Variants in ZC3H8 observed in about 807,000 individuals in gnomAD.
ZC3H8 encodes the protein zinc finger CCCH domain-containing protein 8.
In ZC3H8, 27 loss-of-function variants were observed where a neutral mutation model predicts 42.5. That is an observed-to-expected ratio of 0.64 (90% CI 0.47 to 0.88). The LOEUF (loss-of-function observed/expected upper bound fraction) is 0.88. Among genes scored for constraint, ZC3H8 ranks in the 40% least tolerant of loss-of-function variants. The pLI is 0.00. For missense variants in ZC3H8, 277 were observed against 336.1 expected, an observed-to-expected ratio of 0.82 and a Z score of 1.37; for synonymous variants, 101 against 110.1, an observed-to-expected ratio of 0.92 and a Z score of 0.52.
intron 8 of ZC3H8, among the ~76,000 whole-genome samples, chr2:112,216,969 G>C (rs1241052588): frequency 6.6e-6 from 1 of 152,140 alleles, no homozygotes; most frequent in Admixed American, 6.5e-5. Flanking sequence ...AAATGTGAAT[G>C]GTCTTAATCC....
intron 2 of ZC3H8, among the ~76,000 whole-genome samples, chr2:112,239,709 C>T (rs981397089): frequency 1.3e-5 from 2 of 151,576 alleles, no homozygotes; most frequent in African/African-American, 4.8e-5. Flanking sequence ...CTCAGCCTCC[C>T]GAGTAGCTGG....
intron 1 of ZC3H8, among the ~76,000 whole-genome samples, chr2:112,251,023 A>G (rs76909525): frequency 6.6e-6 from 1 of 152,176 alleles, no homozygotes; most frequent in East Asian, 1.9e-4. Context: ...ATATAAGAAC[A>G]TGGTGAACAA....
At chr2:112,219,327 TGAAG>T (rs1684483606) in intron 8 of ZC3H8, among the ~76,000 whole-genome samples, 2 of 152,134 alleles carry the variant, frequency 1.3e-5, no homozygotes, top group Non-Finnish European at 1.5e-5. Context: ...GACCATTCAA[TGAAG>T]GAAGGACGGT....
rs1685349227 is a variant in ZC3H8, at chr2:112,236,675, T to C, written c.391A>G (p.Asn131Asp). ...TPQAAKQKNK[N>D]LKAGHKNGKQ... ...CCATTCTTGTGACCAGCTTTAAGAT[T>C]TTTATTTTTTTGTTTAGCAGCTAAA... The change falls in exon 4 of 9, where the codon AAT (asparagine) becomes GAT (aspartate). Residue 131 changes from asparagine (N) to aspartate (D), a missense_variant. Coordinates refer to ENST00000409573, the MANE Select transcript of ZC3H8 (RefSeq NM_032494.3). 6.2e-7 allele frequency: 1 copy of C among 1,611,218 alleles called. No individual in the cohort carries two copies. Among genetic ancestry groups the C allele is most frequent in the Non-Finnish European group, 8.5e-7 (1 of 1,178,976 alleles).
At chr2:112,254,883 A>C in intron 1 of ZC3H8, 25 bp downstream of exon 1, 1 of 1,611,768 alleles carries the variant, frequency 6.2e-7, no homozygotes, top group Non-Finnish European at 8.5e-7. Context: ...CCCTGCATTC[A>C]AAAGATGAAA....
In ZC3H8 at chr2:112,233,791, C is replaced by G. The variant is rs544627135; in HGVS notation, c.621+329G>C. Among the ~76,000 whole-genome samples, 149 of 152,162 alleles carry G rather than the reference C, an allele frequency of 9.8e-4. 1 individual carries two copies. The Middle Eastern group carries it at 0.034, about 35-fold the overall frequency. ...GGCTGAGGCAGGAGAATGGCATGAACCCAGGAGGCGGAGCTTGCAGTGAGC... is the reference window on the plus strand; with the variant it reads ...GGCTGAGGCAGGAGAATGGCATGAAGCCAGGAGGCGGAGCTTGCAGTGAGC... On this transcript the variant is annotated intron_variant, in intron 5 of 8. Coordinates refer to ENST00000409573, the MANE Select transcript of ZC3H8 (RefSeq NM_032494.3).
At chr2:112,246,627 G>A (rs1316026431) in intron 2 of ZC3H8, among the ~76,000 whole-genome samples, 1 of 152,198 alleles carries the variant, frequency 6.6e-6, no homozygotes, top group Non-Finnish European at 1.5e-5. Flanking sequence ...CTGAATTGCT[G>A]CAACTTCATG....
chr2:112,236,218 C>T (rs1013071675), intron 4 of ZC3H8, among the ~76,000 whole-genome samples: 4 of 152,138 alleles, frequency 2.6e-5, no homozygotes, highest in Non-Finnish European at 4.4e-5. Flanking sequence ...GAGCCGAGAT[C>T]GCACCAGCCT....
At chr2:112,220,036 G>C (rs1384549566) in intron 8 of ZC3H8, among the ~76,000 whole-genome samples, 1 of 152,184 alleles carries the variant, frequency 6.6e-6, no homozygotes, top group East Asian at 1.9e-4. Flanking sequence ...TTGAGCCTAA[G>C]GGCGTCATTG....
chr2:112,244,407 T>C (rs1685687723), intron 2 of ZC3H8, among the ~76,000 whole-genome samples: 1 of 152,104 alleles, frequency 6.6e-6, no homozygotes, highest in African/African-American at 2.4e-5. Context: ...AACCAACAGC[T>C]AGAAAATGAT....
At chr2:112,254,754 G>C (rs1468865414) in intron 1 of ZC3H8, 154 bp downstream of exon 1, 17 of 848,436 alleles carry the variant, frequency 2.0e-5, no homozygotes, top group Non-Finnish European at 2.9e-5. Context: ...ACCTCTATAG[G>C]TCAGACGGTG....
At chr2:112,230,291 T>C (rs890062272) in intron 8 of ZC3H8, among the ~76,000 whole-genome samples, 1 of 152,176 alleles carries the variant, frequency 6.6e-6, no homozygotes. Context: ...GTATAACTAC[T>C]TGAGAAAAAA....
At chr2:112,239,118 CAGAA>C (rs1027344963) in intron 2 of ZC3H8, among the ~76,000 whole-genome samples, 5 of 152,214 alleles carry the variant, frequency 3.3e-5, no homozygotes, top group Non-Finnish European at 7.3e-5. Context: ...ACTTTACTTG[CAGAA>C]AGAGTTTCCT....
intron 1 of ZC3H8, among the ~76,000 whole-genome samples, chr2:112,252,888 A>C (rs1036217466): frequency 5.3e-5 from 8 of 152,218 alleles, no homozygotes; most frequent in Admixed American, 1.3e-4. Context: ...TCACGCCTGT[A>C]ATCCCAGCAC....
At chr2:112,240,982 TGTGC>T (rs1399129914) in intron 2 of ZC3H8, among the ~76,000 whole-genome samples, 2,029 of 140,738 alleles carry the variant, frequency 0.014, 50 homozygotes, top group African/African-American at 0.05. Context: ...TGTGTGTGTG[TGTGC>T]GCGTGTGTAT....
rs7599551 is a variant in ZC3H8, at chr2:112,216,347, C to T, written c.*137G>A. On this transcript the variant is annotated 3_prime_UTR_variant, in exon 9 of 9. Coordinates refer to ENST00000409573, the MANE Select transcript of ZC3H8 (RefSeq NM_032494.3). The stretch of plus-strand genomic sequence containing the variant: ...CCCATCCATTATGGAAGCTGCACAT[C>T]ACCCCAGTCACACAAGAGGGCACTC... 0.11 allele frequency: 16,684 copies of T among 152,450 alleles called. 1,227 individuals are homozygous for T. The highest frequency in any genetic ancestry group is 0.16 in the Non-Finnish European group (10,748 of 68,110). The allele number at this position is 152,450 out of a possible 1,614,324, so 9.4% of individuals were successfully genotyped here. A position where few individuals can be genotyped will look rare whatever the true frequency, so the allele number is the denominator to read the frequency against.
At chr2:112,223,188 C>T (rs865987698) in intron 8 of ZC3H8, among the ~76,000 whole-genome samples, 43 of 151,728 alleles carry the variant, frequency 2.8e-4, no homozygotes, top group Non-Finnish European at 3.1e-4. Flanking sequence ...AGCACACCAA[C>T]ATGGCACATG....
chr2:112,236,604 T>G lies in ZC3H8; in HGVS notation c.462A>C (p.Lys154Asn), dbSNP rs553910296. ...MKRKWPGPGN[K>N]GSNALLRNSG... ...TGTTCCTCAGCAAAGCATTTGATCCTTTGTTTCCAGGGCCAGGCCATTTTC... is the reference window on the plus strand; with the variant it reads ...TGTTCCTCAGCAAAGCATTTGATCCGTTGTTTCCAGGGCCAGGCCATTTTC... Residue 154 changes from lysine (K) to asparagine (N), a missense_variant, in exon 4 of 9, where the codon AAA (lysine) becomes AAC (asparagine). Lys to Asn is a moderately conservative substitution (Grantham distance 94). Transcript: ENST00000409573. 6.2e-7 allele frequency: 1 copy of G among 1,614,044 alleles called. No individual in the cohort carries two copies. Among genetic ancestry groups the G allele is most frequent in the South Asian group, 1.1e-5 (1 of 91,086 alleles).
rs573872068 is a variant in ZC3H8, at chr2:112,238,249, C to G, written c.370+66G>C. On this transcript the variant is annotated intron_variant, in intron 3 of 8. Coordinates refer to ENST00000409573, the MANE Select transcript of ZC3H8 (RefSeq NM_032494.3). ...AAAGTGCAAAGAAAAATCCTCTGTC[C>G]GTATATGGACAACTGTGACTGCTTC... is the stretch of plus-strand genomic sequence containing the variant. 1.8e-5 allele frequency: 27 copies of G among 1,486,456 alleles called. No homozygotes were observed. The African/African-American group carries it at 2.2e-4, about 12-fold the overall frequency. The allele number at this position is 1,486,456 out of a possible 1,614,324, so 92.1% of individuals were successfully genotyped here.
Sources: allele counts gnomAD v4.1 joint callset (sites outside exome capture counted in the v4.1 genomes callset), GRCh38; gene constraint gnomAD v4.1.1; transcripts MANE v1.5; gene names NCBI Gene and HGNC (gene_info 2026-07-23, HGNC 2026-07-21).